CRAMP1: variants seen among roughly 807,000 people sequenced by gnomAD.
CRAMP1 encodes cramped chromatin regulator 1.
CRAMP1 carries 50 observed loss-of-function variants against 115.4 expected under a neutral mutation model. The ratio of observed to expected loss-of-function variants is 0.43; its 90% CI spans 0.35 to 0.55. The LOEUF (loss-of-function observed/expected upper bound fraction) is 0.55. Among genes scored for constraint, CRAMP1 ranks in the 20% least tolerant of loss-of-function variants. The probability of loss-of-function intolerance (pLI) is 0.01; values close to 1 mark genes in which losing one functional copy is unlikely to be tolerated. For missense variants in CRAMP1, 1,679 were observed against 1,721.7 expected, an observed-to-expected ratio of 0.98 and a Z score of 0.44; for synonymous variants, 866 against 745.4, an observed-to-expected ratio of 1.16 and a Z score of -2.64.
intron 13 of CRAMP1, 77 bp downstream of exon 13, chr16:1,662,912 C>T: frequency 1.7e-6 from 2 of 1,150,852 alleles, no homozygotes; most frequent in East Asian, 2.5e-5. Context: ...CCCTCTCTCA[C>T]ATTTTCATGG....
At position 1,677,620 on chromosome 16, in the gene CRAMP1, C is replaced by G. The variant is rs1403181015; in HGVS notation, c.*3575C>G. 3.9e-5 allele frequency: 6 copies of G among 152,740 alleles called. No homozygotes were observed. The highest frequency in any genetic ancestry group is 8.8e-5 in the Non-Finnish European group (6 of 68,094). The allele number at this position is 152,740 out of a possible 1,614,324, so 9.5% of individuals were successfully genotyped here. A position where few individuals can be genotyped will look rare whatever the true frequency, so the allele number is the denominator to read the frequency against. ...GCCTCCCGCGCCCCGCTCCCCTTCTCTCTCTTACTCGGTTAAGCCATAGCG... is the reference window on the plus strand; with the variant it reads ...GCCTCCCGCGCCCCGCTCCCCTTCTGTCTCTTACTCGGTTAAGCCATAGCG... On this transcript the variant is annotated 3_prime_UTR_variant, in exon 21 of 21. Transcript: ENST00000397412.
At position 1,656,247 on chromosome 16, in the gene CRAMP1, A is replaced by C; in HGVS notation, c.1490A>C (p.Glu497Ala). 6.2e-7 allele frequency: 1 copy of C among 1,609,548 alleles called. No homozygotes were observed. Among genetic ancestry groups the C allele is most frequent in the Non-Finnish European group, 8.5e-7 (1 of 1,179,116 alleles). ...GESSPESAPGEGAALSLSSPD... is the reference protein window; with the variant it reads ...GESSPESAPGAGAALSLSSPD... ...AGTTCCCCCGAAAGCGCCCCCGGGG[A>C]GGGGGCTGCCCTAAGCTTGAGCAGC... Residue 497 changes from glutamate to alanine, a missense_variant, in exon 10 of 21, where the codon GAG becomes GCG. Around this residue, in one of 8 missense-constraint regions of CRAMP1, gnomAD observed 405 missense variants for 302.6 expected, o/e 1.34. Coordinates refer to ENST00000397412, the MANE Select transcript of CRAMP1 (RefSeq NM_020825.4). This position sits in a 1 kb window ranked among gnomAD's most constrained non-coding sequence, Gnocchi z 5.6.
chr16:1,617,736 A>G (rs184039442), intron 2 of CRAMP1, among the ~76,000 whole-genome samples: 2 of 152,224 alleles, frequency 1.3e-5, no homozygotes, highest in African/African-American at 2.4e-5. Context: ...GCTTTTCTGC[A>G]TGCAAGTGTG....
chr16:1,616,818 C>CTT (rs1008931996), intron 2 of CRAMP1, among the ~76,000 whole-genome samples: 7 of 144,894 alleles, frequency 4.8e-5, no homozygotes, highest in Non-Finnish European at 6.1e-5. Context: ...GCAAATATAT[C>CTT]TTTTTTTTTT....
chr16:1,619,140 G>A (rs1567446141), intron 2 of CRAMP1, among the ~76,000 whole-genome samples: 2 of 152,180 alleles, frequency 1.3e-5, no homozygotes, highest in Non-Finnish European at 2.9e-5. Context: ...GTGTGTAGAA[G>A]CTCTTTGTCA....
Position 1,614,957 on chromosome 16 carries a change from C to A in CRAMP1, c.318C>A (p.Asn106Lys). Residue 106 changes from asparagine (N) to lysine (K), a missense_variant, in exon 2 of 21, where the codon AAC becomes AAA. Asn to Lys is a moderately conservative substitution (Grantham distance 94, BLOSUM62 0). Coordinates refer to ENST00000397412, the MANE Select transcript of CRAMP1 (RefSeq NM_020825.4). This position sits in a 1 kb window ranked among gnomAD's most constrained non-coding sequence, Gnocchi z 4.4. ...KDPPSAVGSG[N>K]AGGSGPRGKG... The stretch of plus-strand genomic sequence containing the variant: ...CTCCGAGCGCTGTGGGGAGCGGCAA[C>A]GCCGGTGGCTCGGGGCCCCGCGGAA... The A allele has an allele frequency of 1.6e-6, 2 of 1,260,414 alleles. No individual in the cohort carries two copies. Among genetic ancestry groups the A allele is most frequent in the South Asian group, 3.5e-5 (1 of 28,654 alleles). The allele number at this position is 1,260,414 out of a possible 1,614,324, so 78.1% of individuals were successfully genotyped here.
intron 7 of CRAMP1, 92 bp downstream of exon 7, chr16:1,652,673 G>A (rs2036734911): frequency 1.7e-6 from 2 of 1,153,500 alleles, no homozygotes; most frequent in South Asian, 1.4e-5. Context: ...TGCTGCCACA[G>A]TTGCTTTGTG....
chr16:1,667,090 A>G (rs2036882638), intron 16 of CRAMP1, among the ~76,000 whole-genome samples: 2 of 152,196 alleles, frequency 1.3e-5, no homozygotes, highest in Admixed American at 6.5e-5. Context: ...GCCTGCCACA[A>G]GGTTGACTTC....
At position 1,625,943 on chromosome 16, in the gene CRAMP1, C is replaced by T. The variant is rs973223702; in HGVS notation, c.347-30C>T. ...TGCCCAGCCCGCCAGCTTTCTGGAACAGATCACTGTACGGTGCTTTCTCTC... is the reference window on the plus strand; with the variant it reads ...TGCCCAGCCCGCCAGCTTTCTGGAATAGATCACTGTACGGTGCTTTCTCTC... On this transcript the variant is annotated intron_variant, in intron 2 of 20. Transcript: ENST00000397412. 3.9e-6 allele frequency: 6 copies of T among 1,549,800 alleles called. No individual in the cohort carries two copies. In the African/African-American group the frequency reaches 8.2e-5, roughly 21 times the overall value.
At position 1,655,282 on chromosome 16, in the gene CRAMP1, G is replaced by A. The variant is rs202224041; in HGVS notation, c.1101G>A (p.Ala367=). 4.0e-5 allele frequency: 64 copies of A among 1,613,760 alleles called. No homozygotes were observed. The highest frequency in any genetic ancestry group is 2.2e-5 in the South Asian group (2 of 91,086). ...TCGAATTCTTGAAGCAGAAGTGGGC[G>A]CTCCATGAGGTGCGAGTTGTATCCT... ...SLIEFLKQKW[A]LHEVRVRKTL... is the part of the protein sequence containing the mutation. Residue 367 remains alanine (A), a synonymous_variant, in exon 9 of 21, where the codon GCG becomes GCA. Coordinates refer to ENST00000397412, the MANE Select transcript of CRAMP1 (RefSeq NM_020825.4).
At chr16:1,654,400 C>T (rs970396666) in intron 8 of CRAMP1, among the ~76,000 whole-genome samples, 24 of 151,802 alleles carry the variant, frequency 1.6e-4, no homozygotes, top group Non-Finnish European at 3.2e-4. Flanking sequence ...TTAGTAGAAA[C>T]GGGGTTTCAC....
intron 2 of CRAMP1, among the ~76,000 whole-genome samples, chr16:1,620,875 T>C (rs1451586290): frequency 6.6e-6 from 1 of 151,824 alleles, no homozygotes; most frequent in Non-Finnish European, 1.5e-5. Context: ...TGCGTGGTTC[T>C]TGCTGCCTGG....
At position 1,659,949 on chromosome 16, in the gene CRAMP1, A is replaced by T. The variant is rs764647937; in HGVS notation, c.2299A>T (p.Thr767Ser). The T allele has an allele frequency of 6.2e-7, 1 of 1,611,638 alleles. No individual in the cohort carries two copies. The highest frequency in any genetic ancestry group is 1.1e-5 in the South Asian group (1 of 91,082). Residue 767 changes from threonine (T) to serine (S), a missense_variant, in exon 11 of 21, where the codon ACG becomes TCG. Physicochemically the swap from Thr to Ser is moderately conservative, Grantham distance 58. Coordinates refer to ENST00000397412, the MANE Select transcript of CRAMP1 (RefSeq NM_020825.4). The part of the protein sequence containing the change: ...VRPAQEEQSM[T>S]PPGKVVTVSS... ...GCCCGCCCAGGAGGAGCAGTCGATG[A>T]CGCCCCCAGGGAAGGTGGTGACCGT...
intron 2 of CRAMP1, among the ~76,000 whole-genome samples, chr16:1,621,561 G>A (rs1464634779): frequency 1.3e-5 from 2 of 152,196 alleles, no homozygotes; most frequent in African/African-American, 4.8e-5. Context: ...CTGGGTCCCA[G>A]CAGCCTGGGG....
In CRAMP1 at chr16:1,653,149, C is replaced by T. The variant is rs1286915552; in HGVS notation, c.1030C>T (p.Arg344Cys). The T allele has an allele frequency of 1.2e-6, 2 of 1,608,874 alleles. No individual in the cohort carries two copies. Among genetic ancestry groups the T allele is most frequent in the Non-Finnish European group, 1.7e-6 (2 of 1,177,616 alleles). Residue 344 changes from arginine to cysteine, a missense_variant, in exon 8 of 21, where the codon CGC becomes TGC. This residue lies in a region of CRAMP1 where 191 missense variants were observed against 236.2 expected (regional missense o/e 0.81). Coordinates refer to ENST00000397412, the MANE Select transcript of CRAMP1 (RefSeq NM_020825.4). ...TGTGCAGAGCCTTGCCCAGAACCCA[C>T]GCCTCAGGTAACATGGCCCTTGGCA... Reference protein sequence around the residue: ...ARVQSLAQNPRLRMIVELHRK... With the variant: ...ARVQSLAQNPCLRMIVELHRK...
rs1310572399 is a variant in CRAMP1 at position 1,614,648 on chromosome 16, G to A, written c.9G>A (p.Val3=). The part of the protein sequence containing the change: MT[V]KLGDGGSGED... Reference sequence around the variant, plus strand: ...CCTCTCCCGGCCGCAGGATGACAGTGAAGTTGGGCGACGGCGGCAGCGGGG... The same window carrying A: ...CCTCTCCCGGCCGCAGGATGACAGTAAAGTTGGGCGACGGCGGCAGCGGGG... The change falls in exon 2 of 21, where the codon GTG becomes GTA. Residue 3 remains valine, a synonymous_variant. Transcript: ENST00000397412. The surrounding 1 kb of genome is among the most constrained non-coding windows in gnomAD (Gnocchi z 4.4). The A allele has an allele frequency of 3.9e-6, 5 of 1,272,714 alleles. No homozygotes were observed. The highest frequency in any genetic ancestry group is 5.0e-6 in the Non-Finnish European group (5 of 1,003,294). The allele number at this position is 1,272,714 out of a possible 1,614,324, so 78.8% of individuals were successfully genotyped here.
At position 1,669,637 on chromosome 16, in the gene CRAMP1, G is replaced by A. The variant is rs2036905019; in HGVS notation, c.3499+472G>A. ...TCTTGAATATAGATCGGAGAGTTCAGAGGACGTGTCCATCCTCCTCCCCCA... is the reference window on the plus strand; with the variant it reads ...TCTTGAATATAGATCGGAGAGTTCAAAGGACGTGTCCATCCTCCTCCCCCA... On this transcript the variant is annotated intron_variant, in intron 19 of 20. Coordinates refer to ENST00000397412, the MANE Select transcript of CRAMP1 (RefSeq NM_020825.4). The surrounding 1 kb of genome is among the most constrained non-coding windows in gnomAD (Gnocchi z 4.6). 6.6e-6 allele frequency among the ~76,000 whole-genome samples: 1 copy of A among 152,214 alleles called. No homozygotes were observed. Among genetic ancestry groups the A allele is most frequent in the Non-Finnish European group, 1.5e-5 (1 of 68,044 alleles).
rs61745180 is a variant in CRAMP1, at chr16:1,659,987, C to T, written c.2337C>T (p.Ser779=). The part of the protein sequence containing the change: ...PGKVVTVSSR[S]PRCPRNQASL... The stretch of plus-strand genomic sequence containing the variant: ...AGGTGGTGACCGTCAGCTCTCGCAG[C>T]CCCCGCTGCCCTCGGAACCAGGCCT... The change falls in exon 11 of 21, where the codon AGC becomes AGT. Residue 779 remains serine, a synonymous_variant. Transcript: ENST00000397412. 10,354 of 1,606,360 alleles carry T rather than the reference C, an allele frequency of 6.4e-3. 54 individuals are homozygous for T. The highest frequency in any genetic ancestry group is 7.0e-3 in the Non-Finnish European group (8,226 of 1,179,678).
At chr16:1,654,866 T>G (rs193054886) in intron 8 of CRAMP1, among the ~76,000 whole-genome samples, 29 of 152,364 alleles carry the variant, frequency 1.9e-4, no homozygotes, top group Admixed American at 1.7e-3. Context: ...CAGAATGTAT[T>G]AACACTGTCC....
Sources: allele counts gnomAD v4.1 joint callset (sites outside exome capture counted in the v4.1 genomes callset), GRCh38; gene constraint gnomAD v4.1.1; regional missense constraint gnomAD v4.1.1; non-coding constraint Gnocchi (gnomAD v3.1); transcripts MANE v1.5; gene names NCBI Gene and HGNC (gene_info 2026-07-23, HGNC 2026-07-21).